Variants in BICRA observed in about 807,000 individuals in gnomAD.
The protein encoded by BICRA is BRD4 interacting chromatin remodeling complex associated protein.
Under a neutral mutation model 96.9 loss-of-function variants are expected in BICRA, and 31 were observed. The observed-to-expected ratio is 0.32, with a 90% CI of 0.24 to 0.43. The LOEUF (loss-of-function observed/expected upper bound fraction) is 0.43. BICRA is among the 20% of genes least tolerant of loss of function. The pLI is 1.00. For missense variants in BICRA, 2,283 were observed against 2,190.3 expected (o/e 1.04, Z -0.84); for synonymous variants, 1,350 against 1,071.8 (o/e 1.26, Z -5.07).
intron 1 of BICRA, among the ~76,000 whole-genome samples, chr19:47,660,219 C>T (rs544417548): frequency 6.6e-6 from 1 of 151,946 alleles, no homozygotes; most frequent in African/African-American, 2.4e-5. Context: ...TGGTCCAGCC[C>T]CCGGAGCTCT....
chr19:47,699,007 G>A lies in BICRA; in HGVS notation c.3440G>A (p.Arg1147His), dbSNP rs771508248. 7.6e-6 allele frequency: 12 copies of A among 1,587,566 alleles called. No individual in the cohort carries two copies. Among genetic ancestry groups the A allele is most frequent in the Non-Finnish European group, 9.4e-6 (11 of 1,167,724 alleles). The change falls in exon 13 of 15, where the codon CGC (arginine) becomes CAC (histidine). Residue 1147 changes from arginine to histidine, a missense_variant. Physicochemically the swap from Arg to His is conservative, Grantham distance 29 (BLOSUM62 0). Coordinates refer to ENST00000594866, the MANE Select transcript of BICRA (RefSeq NM_001394372.1). The surrounding 1 kb of genome is among the most constrained non-coding windows in gnomAD (Gnocchi z 5.0). Reference sequence around the variant, plus strand: ...ACGGTCTCCACGCAGCTGCTGAAACGCACCCAGGCCATGCTCAATAAATAT... The same window carrying A: ...ACGGTCTCCACGCAGCTGCTGAAACACACCCAGGCCATGCTCAATAAATAT... The part of the protein sequence containing the change: ...FETVSTQLLK[R>H]TQAMLNKYRL...
chr19:47,688,988 C>T (rs888731488), intron 7 of BICRA, among the ~76,000 whole-genome samples: 6 of 151,770 alleles, frequency 4.0e-5, no homozygotes, highest in Non-Finnish European at 7.4e-5. Flanking sequence ...CCAGCAAGCC[C>T]GGCTAATTTT....
At position 47,679,751 on chromosome 19, in the gene BICRA, T is replaced by C. The variant is rs1355412745; in HGVS notation, c.581T>C (p.Val194Ala). 6.5e-7 allele frequency: 1 copy of C among 1,529,860 alleles called. No individual in the cohort carries two copies. The allele number at this position is 1,529,860 out of a possible 1,614,324, so 94.8% of individuals were successfully genotyped here. The change falls in exon 6 of 15, where the codon GTG (valine) becomes GCG (alanine). Residue 194 changes from valine (V) to alanine (A), a missense_variant. Physicochemically the swap from Val to Ala is moderately conservative, Grantham distance 64. Coordinates refer to ENST00000594866, the MANE Select transcript of BICRA (RefSeq NM_001394372.1). ...GACGTGGTCAACAAGGCCCTGAGTG[T>C]GCAGCCCTTCCTGCAGCCTGTGGGC... is the stretch of plus-strand genomic sequence containing the variant. ...PQDVVNKALS[V>A]QPFLQPVGLG... is the part of the protein sequence containing the mutation.
chr19:47,623,583 G>A (rs139050302), intron 1 of BICRA, among the ~76,000 whole-genome samples: 24 of 152,226 alleles, frequency 1.6e-4, no homozygotes, highest in East Asian at 5.8e-4. Context: ...ACAAATAGCC[G>A]GTGCTGTGCC....
chr19:47,612,676 C>G (rs902785878), intron 1 of BICRA, among the ~76,000 whole-genome samples: 20 of 149,840 alleles, frequency 1.3e-4, no homozygotes, highest in African/African-American at 4.2e-4. Context: ...CCCAGCTCAC[C>G]CAGTGTAGGA....
chr19:47,701,336 G>A lies in BICRA; in HGVS notation c.3604G>A (p.Val1202Met), dbSNP rs536150980. The change falls in exon 15 of 15, where the codon GTG (valine) becomes ATG (methionine). Residue 1202 changes from valine to methionine, a missense_variant. By Grantham distance (21) the Val-to-Met change is conservative. Transcript: ENST00000594866. This position sits in a 1 kb window ranked among gnomAD's most constrained non-coding sequence, Gnocchi z 5.4. ...TTGCCCCGATTCTGCAGACGAGTAC[G>A]TGTCTTCCTCCCGCTCGCTCGGCCT... ...QLAKEKPDEYVSSSRSLGLPI... is the reference protein window; with the variant it reads ...QLAKEKPDEYMSSSRSLGLPI... The A allele has an allele frequency of 6.2e-7, 1 of 1,609,940 alleles. No homozygotes were observed.
intron 1 of BICRA, among the ~76,000 whole-genome samples, chr19:47,612,815 A>G (rs1971929142): frequency 6.6e-6 from 1 of 152,184 alleles, no homozygotes; most frequent in Admixed American, 6.5e-5. Flanking sequence ...ATTTGTCAAC[A>G]GAACTGGGGA....
rs116674006 is a variant in BICRA, at chr19:47,673,698, G to A, written c.42-22G>A. 4.9e-3 allele frequency: 7,728 copies of A among 1,588,242 alleles called. 32 individuals are homozygous for A. The highest frequency in any genetic ancestry group is 0.016 in the African/African-American group (1,201 of 73,390). ...CTCCCCAGCTCCTTACCTCCTCAGCGTCTCTTCCTCTTCTCTTCCAGTGAC... is the reference window on the plus strand; with the variant it reads ...CTCCCCAGCTCCTTACCTCCTCAGCATCTCTTCCTCTTCTCTTCCAGTGAC... On this transcript the variant is annotated intron_variant, in intron 3 of 14. Coordinates refer to ENST00000594866, the MANE Select transcript of BICRA (RefSeq NM_001394372.1).
At chr19:47,684,311 A>G (rs1218769270) in intron 7 of BICRA, among the ~76,000 whole-genome samples, 1 of 152,094 alleles carries the variant, frequency 6.6e-6, no homozygotes, top group Non-Finnish European at 1.5e-5. Context: ...GCTTCTGGGT[A>G]GCTGGGATTA....
Position 47,694,316 on chromosome 19 carries a change from C to A in BICRA, c.2485C>A (p.Pro829Thr). ...CCCTTGCCCCCCACCCCAGGCCCCC[C>A]CAACTCTGCCTGGCATCTTTGTCAT... ...LHPCPPPQAPPTLPGIFVIQN... is the reference protein window; with the variant it reads ...LHPCPPPQAPTTLPGIFVIQN... Residue 829 changes from proline to threonine, a missense_variant, in exon 8 of 15, where the codon CCA (proline) becomes ACA (threonine). Coordinates refer to ENST00000594866, the MANE Select transcript of BICRA (RefSeq NM_001394372.1). 1.7e-6 allele frequency: 2 copies of A among 1,171,140 alleles called. No homozygotes were observed. The highest frequency in any genetic ancestry group is 2.6e-5 in the East Asian group (1 of 38,812). 72.5% of individuals were successfully genotyped at this position (1,171,140 alleles called of 1,614,324 possible).
intron 1 of BICRA, among the ~76,000 whole-genome samples, chr19:47,638,954 C>T (rs1356578526): frequency 1.3e-5 from 2 of 152,064 alleles, no homozygotes; most frequent in African/African-American, 4.8e-5. Context: ...CATGCCCTGC[C>T]AACAGCAGGT....
In BICRA at chr19:47,682,120, G is replaced by T; in HGVS notation, c.2251G>T (p.Asp751Tyr). ...AGCTGGCCTCGGCCCTCAGGCCCCC[G>T]ACAGCCAGGCTTCCCCGGCTCCGGC... ...KGAGLGPQAP[D>Y]SQASPAPAPQ... Residue 751 changes from aspartate (D) to tyrosine (Y), a missense_variant, in exon 7 of 15, where the codon GAC (aspartate) becomes TAC (tyrosine). By Grantham distance (160) the Asp-to-Tyr change is radical (BLOSUM62 -3). Transcript: ENST00000594866. 1 of 1,253,340 alleles carries T rather than the reference G, an allele frequency of 8.0e-7. No homozygotes were observed. The allele number at this position is 1,253,340 out of a possible 1,614,324, so 77.6% of individuals were successfully genotyped here.
At chr19:47,685,788 C>CGCGCGCGT (rs1555790142) in intron 7 of BICRA, among the ~76,000 whole-genome samples, 2 of 80,378 alleles carry the variant, frequency 2.5e-5, no homozygotes, top group African/African-American at 4.6e-5. Flanking sequence ...TGTGTGTGTG[C>CGCGCGCGT]GCGCGCGCGC....
At chr19:47,636,706 C>T (rs753893237) in intron 1 of BICRA, among the ~76,000 whole-genome samples, 97 of 152,264 alleles carry the variant, frequency 6.4e-4, no homozygotes, top group Non-Finnish European at 3.7e-4. Context: ...TGGTATTTCA[C>T]CATGTTGGCC....
At chr19:47,632,018 A>T (rs1432390713) in intron 1 of BICRA, among the ~76,000 whole-genome samples, 1 of 151,968 alleles carries the variant, frequency 6.6e-6, no homozygotes, top group Admixed American at 6.6e-5. Flanking sequence ...TGGTAGCGCT[A>T]CCTCTTTATT....
At chr19:47,639,033 T>A (rs961332318) in intron 1 of BICRA, among the ~76,000 whole-genome samples, 2 of 152,120 alleles carry the variant, frequency 1.3e-5, no homozygotes, top group African/African-American at 2.4e-5. Context: ...AGACAGGGTC[T>A]CGCTCTGTTT....
chr19:47,676,575 C>G (rs931959054), intron 5 of BICRA, among the ~76,000 whole-genome samples: 10 of 99,304 alleles, frequency 1.0e-4, no homozygotes, highest in Non-Finnish European at 1.3e-4. Context: ...CGGCCTCCCC[C>G]CTCCCCGCCT....
In BICRA at chr19:47,685,784, TGTGCGCGC is replaced by T. The variant is rs1231045740; in HGVS notation, c.2283+3634_2283+3641del. ...GTGTGTGTGTGTGTGTGTGTGTGTG[TGTGCGCGC>T]GCGCGCGCATGCGTACATTTTCCCT... is the stretch of plus-strand genomic sequence containing the variant. On this transcript the variant is annotated intron_variant, in intron 7 of 14. Transcript: ENST00000594866. Among the ~76,000 whole-genome samples, 50 of 115,488 alleles carry T rather than the reference TGTGCGCGC, an allele frequency of 4.3e-4. No homozygotes were observed. The South Asian group carries it at 4.6e-3, about 11-fold the overall frequency. The allele number at this position is 115,488 out of a possible 152,430, so 75.8% of individuals were successfully genotyped here. A position where few individuals can be genotyped will look rare whatever the true frequency, so the allele number is the denominator to read the frequency against.
chr19:47,696,095 G>C (rs1488149919), intron 10 of BICRA, among the ~76,000 whole-genome samples: 1 of 152,140 alleles, frequency 6.6e-6, no homozygotes, highest in Admixed American at 6.5e-5. Context: ...CACTGGGAGA[G>C]AGACTGTGCG....
Sources: allele counts gnomAD v4.1 joint callset (sites outside exome capture counted in the v4.1 genomes callset), GRCh38; gene constraint gnomAD v4.1.1; non-coding constraint Gnocchi (gnomAD v3.1); transcripts MANE v1.5; gene names NCBI Gene and HGNC (gene_info 2026-07-23, HGNC 2026-07-21).